The following PHC3 variants were observed in gnomAD, a reference collection of about 807,000 sequenced individuals.
PHC3 encodes the protein polyhomeotic homolog 3.
PHC3 carries 13 observed loss-of-function variants against 107.4 expected under a neutral mutation model. The ratio of observed to expected loss-of-function variants is 0.12; its 90% CI spans 0.08 to 0.19. The LOEUF (loss-of-function observed/expected upper bound fraction) is 0.19. Among genes scored for constraint, PHC3 ranks in the 10% least tolerant of loss-of-function variants. The probability of loss-of-function intolerance (pLI) is 1.00; values close to 1 mark genes in which losing one functional copy is unlikely to be tolerated. For synonymous variants in PHC3, 456 were observed against 427.4 expected, an observed-to-expected ratio of 1.07 and a Z score of -0.83; for missense variants, 992 against 1,210.9, an observed-to-expected ratio of 0.82 and a Z score of 2.68.
At chr3:170,121,605 C>T (rs182287598) in intron 9 of PHC3, among the ~76,000 whole-genome samples, 98 of 152,180 alleles carry the variant, frequency 6.4e-4, no homozygotes, top group African/African-American at 2.2e-3. Flanking sequence ...CTCAAGTCAT[C>T]CTCCTACCTC....
intron 12 of PHC3, 116 bp from the exon 13 acceptor site, chr3:170,103,050 T>C: frequency 6.8e-6 from 7 of 1,032,538 alleles, no homozygotes; most frequent in Admixed American, 2.3e-5. Context: ...ACATCATTAA[T>C]GAATGTAAGA....
intron 4 of PHC3, among the ~76,000 whole-genome samples, chr3:170,151,421 T>C (rs922579141): frequency 1.3e-5 from 2 of 151,830 alleles, no homozygotes; most frequent in African/African-American, 4.8e-5. Flanking sequence ...TAGATCAACA[T>C]GAAAAAATCA....
At chr3:170,156,441 G>A (rs187945558) in intron 4 of PHC3, among the ~76,000 whole-genome samples, 2 of 151,520 alleles carry the variant, frequency 1.3e-5, no homozygotes, top group East Asian at 3.9e-4. Flanking sequence ...ATTCTTAGTA[G>A]AGACGAGTTT....
intron 9 of PHC3, among the ~76,000 whole-genome samples, chr3:170,120,468 G>A (rs548813254): frequency 1.3e-5 from 2 of 151,798 alleles, no homozygotes; most frequent in South Asian, 4.2e-4. Context: ...AGCTACTCAG[G>A]ATACTGAAGC....
chr3:170,112,392 TA>T (rs545223717), intron 11 of PHC3, among the ~76,000 whole-genome samples: 1,182 of 116,522 alleles, frequency 0.01, 18 homozygotes, highest in African/African-American at 0.036. Flanking sequence ...TATATATATA[TA>T]TATTTTTTTT....
rs1714775395 is a variant in PHC3, at chr3:170,097,489, A to G, written c.2834-105T>C. The G allele has an allele frequency of 1.5e-5, 16 of 1,082,692 alleles. No homozygotes were observed. Among genetic ancestry groups the G allele is most frequent in the Non-Finnish European group, 1.6e-5 (13 of 796,198 alleles). The allele number at this position is 1,082,692 out of a possible 1,614,324, so 67.1% of individuals were successfully genotyped here. On this transcript the variant is annotated intron_variant, in intron 14 of 14. Transcript: ENST00000495893. The surrounding 1 kb of genome is among the most constrained non-coding windows in gnomAD (Gnocchi z 4.1). ...CTCACTGGGTCTGAGAATCTGAAATACAGGCTGAGAAACAAATGAAATTTA... is the reference window on the plus strand; with the variant it reads ...CTCACTGGGTCTGAGAATCTGAAATGCAGGCTGAGAAACAAATGAAATTTA...
chr3:170,145,656 T>C (rs1700523303), intron 5 of PHC3, 135 bp from the exon 6 acceptor site: 2 of 494,972 alleles, frequency 4.0e-6, no homozygotes, highest in Non-Finnish European at 7.2e-6. Context: ...CAGCAAAAGG[T>C]TCTACATGAC....
At chr3:170,167,531 G>T (rs531823141) in intron 4 of PHC3, among the ~76,000 whole-genome samples, 1 of 152,146 alleles carries the variant, frequency 6.6e-6, no homozygotes, top group East Asian at 1.9e-4. Flanking sequence ...AGGCCAAGGC[G>T]GGCAGATCAC....
intron 4 of PHC3, among the ~76,000 whole-genome samples, chr3:170,160,891 A>C (rs576708626): frequency 3.3e-5 from 5 of 152,218 alleles, no homozygotes; most frequent in Non-Finnish European, 5.9e-5. Context: ...TGGGTGACAG[A>C]GGGAGACTCA....
rs1714006091 is a variant in PHC3 at position 170,090,701 on chromosome 3, T to C, written c.*6529A>G. 6.6e-6 allele frequency: 1 copy of C among 152,078 alleles called. No homozygotes were observed. The highest frequency in any genetic ancestry group is 2.1e-4 in the South Asian group (1 of 4,820). 9.4% of individuals were successfully genotyped at this position (152,078 alleles called of 1,614,324 possible). A position where few individuals can be genotyped will look rare whatever the true frequency, so the allele number is the denominator to read the frequency against. On this transcript the variant is annotated 3_prime_UTR_variant, in exon 15 of 15. Transcript: ENST00000495893. The stretch of plus-strand genomic sequence containing the variant: ...TTAGAGCTGGGAGGTACCTTAAAGA[T>C]GAATTAAACCAAAATCAACTTTTGA...
chr3:170,168,627 G>A (rs555949074), intron 4 of PHC3, among the ~76,000 whole-genome samples: 23 of 152,102 alleles, frequency 1.5e-4, no homozygotes, highest in African/African-American at 4.3e-4. Context: ...GGTGGCGGGC[G>A]CCTGTAGTCC....
intron 3 of PHC3, 116 bp downstream of exon 3, chr3:170,172,441 G>A: frequency 8.8e-7 from 1 of 1,138,252 alleles, no homozygotes; most frequent in Non-Finnish European, 1.2e-6. Context: ...TTTCCTCCGG[G>A]AAAAATAACC....
At position 170,097,481 on chromosome 3, in the gene PHC3, T is replaced by C. The variant is rs959970009; in HGVS notation, c.2834-97A>G. ...GTTATGCTCTCACTGGGTCTGAGAA[T>C]CTGAAATACAGGCTGAGAAACAAAT... On this transcript the variant is annotated intron_variant, in intron 14 of 14. Coordinates refer to ENST00000495893, the MANE Select transcript of PHC3 (RefSeq NM_024947.4). This position sits in a 1 kb window ranked among gnomAD's most constrained non-coding sequence, Gnocchi z 4.1. 24 of 1,175,328 alleles carry C rather than the reference T, an allele frequency of 2.0e-5. No individual in the cohort carries two copies. Among genetic ancestry groups the C allele is most frequent in the Middle Eastern group, 2.1e-4 (1 of 4,714 alleles). The allele number at this position is 1,175,328 out of a possible 1,614,324, so 72.8% of individuals were successfully genotyped here.
chr3:170,133,471 C>G (rs942008036), intron 7 of PHC3, among the ~76,000 whole-genome samples: 3 of 152,130 alleles, frequency 2.0e-5, no homozygotes, highest in Non-Finnish European at 4.4e-5. Context: ...GCCACCGTGC[C>G]AGGCCAAGAT....
chr3:170,179,655 T>C (rs542284066), intron 1 of PHC3, among the ~76,000 whole-genome samples: 1 of 152,334 alleles, frequency 6.6e-6, no homozygotes, highest in Admixed American at 6.5e-5. Flanking sequence ...ACATAAATTA[T>C]GTCACTTCCT....
chr3:170,144,502 T>C (rs1299176602), intron 6 of PHC3, among the ~76,000 whole-genome samples: 2 of 152,002 alleles, frequency 1.3e-5, no homozygotes. Flanking sequence ...ACATAAGGAG[T>C]AGAACTGCTG....
chr3:170,120,584 C>A (rs1720072937), intron 9 of PHC3, among the ~76,000 whole-genome samples: 1 of 151,188 alleles, frequency 6.6e-6, no homozygotes, highest in Non-Finnish European at 1.5e-5. Flanking sequence ...AAAAAAAAAA[C>A]AATAATATAA....
At chr3:170,122,971 A>C (rs928269813) in intron 8 of PHC3, among the ~76,000 whole-genome samples, 2 of 152,204 alleles carry the variant, frequency 1.3e-5, no homozygotes, top group African/African-American at 4.8e-5. Flanking sequence ...CTAGACCAAA[A>C]ATCACCAAGG....
chr3:170,135,581 G>A (rs995034887), intron 7 of PHC3, among the ~76,000 whole-genome samples: 2 of 151,842 alleles, frequency 1.3e-5, no homozygotes, highest in Non-Finnish European at 2.9e-5. Flanking sequence ...AAGAATAAGG[G>A]AGACCTAATT....
Sources: gnomAD v4.1 joint callset for allele counts (sites outside exome capture counted in the v4.1 genomes callset) on GRCh38, gnomAD v4.1.1 for gene constraint, Gnocchi (gnomAD v3.1) non-coding constraint, MANE v1.5 for transcripts, NCBI Gene and HGNC (gene_info 2026-07-23, HGNC 2026-07-21) for gene names.